The following PDZD2 variants were observed in gnomAD, a reference collection of about 807,000 sequenced individuals.
PDZD2 encodes the protein PDZ domain-containing protein 2.
PDZD2 carries 90 observed loss-of-function variants against 220.7 expected under a neutral mutation model. The ratio of observed to expected loss-of-function variants is 0.41; its 90% CI spans 0.34 to 0.49. The LOEUF (loss-of-function observed/expected upper bound fraction) is 0.49, where lower values mean the gene tolerates loss of function less well. Among genes scored for constraint, PDZD2 ranks in the 20% least tolerant of loss-of-function variants. The pLI, the probability that PDZD2 is intolerant of heterozygous loss-of-function variation, is 0.28. For missense variants in PDZD2, 3,174 were observed against 3,608.5 expected, an observed-to-expected ratio of 0.88 and a Z score of 3.08; for synonymous variants, 1,375 against 1,450.5, an observed-to-expected ratio of 0.95 and a Z score of 1.18.
chr5:31,673,442 T>G (rs1195709656), intron 1 of PDZD2, among the ~76,000 whole-genome samples: 1 of 152,212 alleles, frequency 6.6e-6, no homozygotes, highest in Non-Finnish European at 1.5e-5. Context: ...CAAGAGGTTA[T>G]GGCTCCTTGG....
At chr5:32,075,659 C>T (rs1282291276) in intron 18 of PDZD2, among the ~76,000 whole-genome samples, 1 of 152,122 alleles carries the variant, frequency 6.6e-6, no homozygotes, top group Non-Finnish European at 1.5e-5. Context: ...TCTACTTTAT[C>T]AAGGAGACAG....
At chr5:31,972,824 G>A (rs1749428366) in intron 2 of PDZD2, among the ~76,000 whole-genome samples, 1 of 152,138 alleles carries the variant, frequency 6.6e-6, no homozygotes, top group South Asian at 2.1e-4. Context: ...AGGAAAATGT[G>A]GCAAACCTCA....
At chr5:31,804,275 A>G (rs984712022) in intron 2 of PDZD2, among the ~76,000 whole-genome samples, 6 of 152,148 alleles carry the variant, frequency 3.9e-5, no homozygotes, top group African/African-American at 1.4e-4. Context: ...GAAGGCCAAC[A>G]CCTATTACTT....
chr5:31,743,413 C>T (rs778949732), intron 1 of PDZD2, among the ~76,000 whole-genome samples: 14 of 152,210 alleles, frequency 9.2e-5, no homozygotes, highest in Middle Eastern at 3.4e-3. Context: ...CCATCTCGGC[C>T]TCCCAAAGTG....
At chr5:32,003,528 G>GCA (rs148162289) in intron 5 of PDZD2, among the ~76,000 whole-genome samples, 4 of 112,112 alleles carry the variant, frequency 3.6e-5, no homozygotes, top group Admixed American at 1.1e-4. Flanking sequence ...ACACACACAC[G>GCA]CACACACACA....
Position 31,848,922 on chromosome 5 carries a change from G to A in PDZD2, c.476+49198G>A, listed in dbSNP as rs993218817. Among the ~76,000 whole-genome samples the A allele has an allele frequency of 7.2e-5, 11 of 151,766 alleles. No homozygotes were observed. In the East Asian group the frequency reaches 1.2e-3, roughly 16 times the overall value. The stretch of plus-strand genomic sequence containing the variant: ...AAATTAGCCAGGCGTGGTGGCAGGC[G>A]CCTGTAGTCCCAGGTACTAGGGAGG... On this transcript the variant is annotated intron_variant, in intron 2 of 24. Transcript: ENST00000438447.
intron 2 of PDZD2, among the ~76,000 whole-genome samples, chr5:31,916,612 C>T (rs75515998): frequency 0.036 from 5,470 of 152,266 alleles, 165 homozygotes; most frequent in African/African-American, 0.083. Context: ...TGCCCTGGCT[C>T]GAGTGTCACT....
intron 2 of PDZD2, among the ~76,000 whole-genome samples, chr5:31,874,628 G>A (rs919300601): frequency 2.0e-5 from 3 of 151,986 alleles, no homozygotes; most frequent in Non-Finnish European, 4.4e-5. Flanking sequence ...GGGTGTGGTG[G>A]CACATGCCTA....
intron 2 of PDZD2, chr5:31,936,326 C>T (rs894472728): frequency 2.0e-6 from 2 of 987,402 alleles, no homozygotes; most frequent in Admixed American, 1.2e-4. Flanking sequence ...AGCACGCTCA[C>T]CTGACCAGCT....
intron 2 of PDZD2, among the ~76,000 whole-genome samples, chr5:31,832,984 C>T (rs1449379819): frequency 5.9e-5 from 9 of 152,062 alleles, no homozygotes; most frequent in African/African-American, 2.2e-4. Flanking sequence ...TTCCACAAGT[C>T]CCATGAGCAG....
intron 2 of PDZD2, among the ~76,000 whole-genome samples, chr5:31,942,587 A>G (rs1746299491): frequency 6.6e-6 from 1 of 152,208 alleles, no homozygotes; most frequent in Non-Finnish European, 1.5e-5. Context: ...CTCCCGCCTC[A>G]GCTTCGCAAT....
intron 7 of PDZD2, among the ~76,000 whole-genome samples, chr5:32,044,490 G>A (rs1445782491): frequency 6.6e-6 from 1 of 152,140 alleles, no homozygotes; most frequent in Non-Finnish European, 1.5e-5. Flanking sequence ...AGTATGCTGG[G>A]GGAATTTGGT....
At chr5:31,778,349 G>T (rs1232494889) in intron 1 of PDZD2, among the ~76,000 whole-genome samples, 1 of 152,122 alleles carries the variant, frequency 6.6e-6, no homozygotes, top group Admixed American at 6.6e-5. Context: ...TGGAAGCTTT[G>T]TTCTTTCGCT....
intron 1 of PDZD2, among the ~76,000 whole-genome samples, chr5:31,641,913 C>T (rs1230441486): frequency 6.6e-6 from 1 of 152,118 alleles, no homozygotes; most frequent in Non-Finnish European, 1.5e-5. Flanking sequence ...AATCAACTTC[C>T]TCAGGTTAGA....
At position 31,799,222 on chromosome 5, in the gene PDZD2, T is replaced by C. The variant is rs754024959; in HGVS notation, c.-27T>C. On this transcript the variant is annotated 5_prime_UTR_variant, in exon 2 of 25. An upstream start codon of the reference 5' UTR is lost. Transcript: ENST00000438447. ...TGGCCCCCAGGAGCAAGACCTCTGA[T>C]GATGCTGGTGTCTGGGAGTGAGCAC... The C allele has an allele frequency of 4.7e-6, 7 of 1,504,564 alleles. No homozygotes were observed. The African/African-American group carries it at 8.2e-5, about 18-fold the overall frequency. 93.2% of individuals were successfully genotyped at this position (1,504,564 alleles called of 1,614,324 possible).
At chr5:31,775,949 C>T (rs115012609) in intron 1 of PDZD2, among the ~76,000 whole-genome samples, 3,780 of 151,948 alleles carry the variant, frequency 0.025, 144 homozygotes, top group African/African-American at 0.085. Flanking sequence ...GGCCAGCATG[C>T]GTTAGGTGGA....
At chr5:31,965,381 C>T (rs1748640994) in intron 2 of PDZD2, among the ~76,000 whole-genome samples, 1 of 152,176 alleles carries the variant, frequency 6.6e-6, no homozygotes, top group African/African-American at 2.4e-5. Flanking sequence ...CATTGGCCCT[C>T]TCACCCTAGC....
chr5:31,767,782 G>T (rs2150194464), intron 1 of PDZD2, among the ~76,000 whole-genome samples: 1 of 152,330 alleles, frequency 6.6e-6, no homozygotes, highest in South Asian at 2.1e-4. Flanking sequence ...CTGAGAACAA[G>T]GTTCCTGGCC....
In PDZD2 at chr5:31,814,485, A is replaced by G. The variant is rs187585757; in HGVS notation, c.476+14761A>G. 3.1e-3 allele frequency among the ~76,000 whole-genome samples: 469 copies of G among 152,324 alleles called. 2 individuals are homozygous for G. Among genetic ancestry groups the G allele is most frequent in the African/African-American group, 0.011 (457 of 41,576 alleles). ...GCCTTCCAGGTCAAAGGTGGATTCA[A>G]AGATTTTCTGATTGACAATTGGTTG... On this transcript the variant is annotated intron_variant, in intron 2 of 24. Transcript: ENST00000438447.
Sources: allele counts gnomAD v4.1 joint callset (sites outside exome capture counted in the v4.1 genomes callset), GRCh38; gene constraint gnomAD v4.1.1; transcripts MANE v1.5; gene names NCBI Gene and HGNC (gene_info 2026-07-23, HGNC 2026-07-21).